JMJD8: variants seen among roughly 807,000 people sequenced by gnomAD.
JMJD8 encodes jumonji domain containing 8.
Under a neutral mutation model 37.6 loss-of-function variants are expected in JMJD8, and 56 were observed. The observed-to-expected ratio is 1.49, with a 90% CI of 1.20 to 1.86. The LOEUF (loss-of-function observed/expected upper bound fraction) is 1.86. Among genes scored for constraint, JMJD8 ranks in the 40% most tolerant of loss-of-function variants. The probability of loss-of-function intolerance (pLI) is 0.00; values close to 1 mark genes in which losing one functional copy is unlikely to be tolerated. For missense variants in JMJD8, 542 were observed against 362.7 expected (o/e 1.49, Z -4.01); for synonymous variants, 261 against 163.7 (o/e 1.59, Z -4.54).
Position 684,111 on chromosome 16 carries a change from G to C in JMJD8, c.131C>G (p.Thr44Arg), listed in dbSNP as rs868307369. The change falls in exon 2 of 9, where the codon ACG becomes AGG. Residue 44 changes from threonine (T) to arginine (R), a missense_variant. Coordinates refer to ENST00000609261, the MANE Select transcript of JMJD8 (RefSeq NM_001005920.4). ...PGAVAEEERC[T>R]VERRADLTYA... ...GGTGAGGTCGGCCCGACGCTCCACC[G>C]TGCAGCGCTCCTCCTCCGCCACGGC... The C allele has an allele frequency of 6.4e-7, 1 of 1,553,808 alleles. No individual in the cohort carries two copies. The highest frequency in any genetic ancestry group is 8.6e-7 in the Non-Finnish European group (1 of 1,159,848).
At chr16:683,285 G>C in intron 6 of JMJD8, 37 bp downstream of exon 6, 1 of 1,611,854 alleles carries the variant, frequency 6.2e-7, no homozygotes, top group Non-Finnish European at 8.5e-7. Flanking sequence ...CTCACCGACA[G>C]AAGCCTCAGT....
chr16:683,784 G>A lies in JMJD8; in HGVS notation c.226-3C>T, dbSNP rs769370939. The A allele has an allele frequency of 2.5e-6, 4 of 1,602,918 alleles. No homozygotes were observed. The African/African-American group carries it at 5.3e-5, about 21-fold the overall frequency. On this transcript the variant is annotated splice_polypyrimidine_tract_variant and splice_region_variant and intron_variant, in intron 3 of 8. Coordinates refer to ENST00000609261, the MANE Select transcript of JMJD8 (RefSeq NM_001005920.4). ...CGGGAGCACAGGGCCCGGAACCTCT[G>A]CGGGGGCGGGGAGGGGACTTAGTGG... is the stretch of plus-strand genomic sequence containing the variant.
chr16:682,333 T>A lies in JMJD8; in HGVS notation c.*461A>T. 6.2e-7 allele frequency: 1 copy of A among 1,612,990 alleles called. No homozygotes were observed. The highest frequency in any genetic ancestry group is 8.5e-7 in the Non-Finnish European group (1 of 1,179,936). ...GCCAGTGGCATGGTCCTGGGCCCCATGACTGCCCTCTGCCCTTCTTGTCAC... is the reference window on the plus strand; with the variant it reads ...GCCAGTGGCATGGTCCTGGGCCCCAAGACTGCCCTCTGCCCTTCTTGTCAC... On this transcript the variant is annotated 3_prime_UTR_variant, in exon 9 of 9. Coordinates refer to ENST00000609261, the MANE Select transcript of JMJD8 (RefSeq NM_001005920.4).
chr16:682,429 G>C lies in JMJD8; in HGVS notation c.*365C>G, dbSNP rs756840635. On this transcript the variant is annotated 3_prime_UTR_variant, in exon 9 of 9. Coordinates refer to ENST00000609261, the MANE Select transcript of JMJD8 (RefSeq NM_001005920.4). Reference sequence around the variant, plus strand: ...CCCAGGAACAGCTCATCCCCAACTTGGCTATGAAGGAGGTTATTGACGCAT... The same window carrying C: ...CCCAGGAACAGCTCATCCCCAACTTCGCTATGAAGGAGGTTATTGACGCAT... The C allele has an allele frequency of 1.9e-6, 3 of 1,613,344 alleles. No individual in the cohort carries two copies. The highest frequency in any genetic ancestry group is 1.3e-5 in the African/African-American group (1 of 74,942).
rs1021473024 is a variant in JMJD8, at chr16:683,661, G to T, written c.322+24C>A. 1.9e-6 allele frequency: 3 copies of T among 1,586,712 alleles called. No individual in the cohort carries two copies. In the African/African-American group the frequency reaches 4.0e-5, roughly 21 times the overall value. On this transcript the variant is annotated intron_variant, in intron 4 of 8. Transcript: ENST00000609261. ...CCGCCCCGGTGTTGGCAAATGGGCGGGCCCCAGGGGTGAGGCCGCGTACCT... is the reference window on the plus strand; with the variant it reads ...CCGCCCCGGTGTTGGCAAATGGGCGTGCCCCAGGGGTGAGGCCGCGTACCT...
chr16:681,848 C>A lies in JMJD8; in HGVS notation c.*946G>T, dbSNP rs779560132. The A allele has an allele frequency of 3.7e-6, 6 of 1,611,836 alleles. No individual in the cohort carries two copies. Among genetic ancestry groups the A allele is most frequent in the Non-Finnish European group, 5.1e-6 (6 of 1,179,270 alleles). On this transcript the variant is annotated 3_prime_UTR_variant, in exon 9 of 9. Coordinates refer to ENST00000609261, the MANE Select transcript of JMJD8 (RefSeq NM_001005920.4). ...GGGTGATGAGGACGACAGCCACGTC[C>A]GGGCCCAGCAGGCCTGCATTGAGGC...
chr16:683,590 G>A lies in JMJD8; in HGVS notation c.331C>T (p.Pro111Ser). Residue 111 changes from proline to serine, a missense_variant, in exon 5 of 9, where the codon CCC (proline) becomes TCC (serine). Coordinates refer to ENST00000609261, the MANE Select transcript of JMJD8 (RefSeq NM_001005920.4). ...NTYSYHKVDL[P>S]FQEYVEQLLH... ...AGCTGCTCCACATACTCCTGGAAGGGCAAGTCCACTGCAGGAAAGAGACGG... is the reference window on the plus strand; with the variant it reads ...AGCTGCTCCACATACTCCTGGAAGGACAAGTCCACTGCAGGAAAGAGACGG... 2 of 1,577,210 alleles carry A rather than the reference G, an allele frequency of 1.3e-6. No homozygotes were observed. Among genetic ancestry groups the A allele is most frequent in the Non-Finnish European group, 1.7e-6 (2 of 1,161,696 alleles).
Position 682,286 on chromosome 16 carries a change from G to A in JMJD8, c.*508C>T, listed in dbSNP as rs767564001. On this transcript the variant is annotated 3_prime_UTR_variant, in exon 9 of 9. Coordinates refer to ENST00000609261, the MANE Select transcript of JMJD8 (RefSeq NM_001005920.4). ...GACATCGAGGAGCACCTGCAGGTGA[G>A]GCCTGCGGCTGGGGGAGCAGGGCCA... is the stretch of plus-strand genomic sequence containing the variant. The A allele has an allele frequency of 6.4e-7, 1 of 1,568,896 alleles. No homozygotes were observed. The highest frequency in any genetic ancestry group is 2.4e-5 in the East Asian group (1 of 42,090).
At position 682,320 on chromosome 16, in the gene JMJD8, G is replaced by C. The variant is rs762045825; in HGVS notation, c.*474C>G. 1.9e-6 allele frequency: 3 copies of C among 1,612,778 alleles called. No homozygotes were observed. The highest frequency in any genetic ancestry group is 2.7e-5 in the African/African-American group (2 of 74,940). On this transcript the variant is annotated 3_prime_UTR_variant, in exon 9 of 9. Coordinates refer to ENST00000609261, the MANE Select transcript of JMJD8 (RefSeq NM_001005920.4). ...CTGGGGGAGCAGGGCCAGTGGCATG[G>C]TCCTGGGCCCCATGACTGCCCTCTG...
At chr16:683,836 C>T (rs761311765) in intron 3 of JMJD8, 25 bp downstream of exon 3, 58 of 1,583,798 alleles carry the variant, frequency 3.7e-5, no homozygotes, top group Non-Finnish European at 4.9e-5. Flanking sequence ...CGAGAGTGGC[C>T]GGGGACGGAC....
At position 683,847 on chromosome 16, in the gene JMJD8, G is replaced by A. The variant is rs952533018; in HGVS notation, c.225+14C>T. 1.9e-6 allele frequency: 3 copies of A among 1,584,118 alleles called. No homozygotes were observed. Among genetic ancestry groups the A allele is most frequent in the Admixed American group, 1.8e-5 (1 of 56,232 alleles). Reference sequence around the variant, plus strand: ...CGGGCGAGAGTGGCCGGGGACGGACGGGCACGCGCTCACCGAGTTGTCCGT... The same window carrying A: ...CGGGCGAGAGTGGCCGGGGACGGACAGGCACGCGCTCACCGAGTTGTCCGT... On this transcript the variant is annotated intron_variant, in intron 3 of 8. Coordinates refer to ENST00000609261, the MANE Select transcript of JMJD8 (RefSeq NM_001005920.4).
chr16:681,754 G>A lies in JMJD8; in HGVS notation c.*1040C>T, dbSNP rs2039663437. 1.0e-5 allele frequency: 16 copies of A among 1,564,982 alleles called. No individual in the cohort carries two copies. Among genetic ancestry groups the A allele is most frequent in the African/African-American group, 1.3e-5 (1 of 74,134 alleles). ...AGATTGGGGTGTGGTCAGACATCTGGCCAGGTCCATCTCTGACCGGCTCCT... is the reference window on the plus strand; with the variant it reads ...AGATTGGGGTGTGGTCAGACATCTGACCAGGTCCATCTCTGACCGGCTCCT... On this transcript the variant is annotated 3_prime_UTR_variant, in exon 9 of 9. Coordinates refer to ENST00000609261, the MANE Select transcript of JMJD8 (RefSeq NM_001005920.4).
rs765706238 is a variant in JMJD8, at chr16:684,099, C to T, written c.143G>A (p.Arg48Gln). ...AEEERCTVER[R>Q]ADLTYAEFVQ... ...GAACTCCGCGTAGGTGAGGTCGGCC[C>T]GACGCTCCACCGTGCAGCGCTCCTC... The change falls in exon 2 of 9, where the codon CGG (arginine) becomes CAG (glutamine). Residue 48 changes from arginine (R) to glutamine (Q), a missense_variant. By Grantham distance (43) the Arg-to-Gln change is conservative (BLOSUM62 1). Coordinates refer to ENST00000609261, the MANE Select transcript of JMJD8 (RefSeq NM_001005920.4). 6.4e-7 allele frequency: 1 copy of T among 1,570,102 alleles called. No individual in the cohort carries two copies. The highest frequency in any genetic ancestry group is 1.4e-5 in the African/African-American group (1 of 74,024).
At chr16:683,509 C>A in intron 5 of JMJD8, 21 bp downstream of exon 5, 5 of 1,545,792 alleles carry the variant, frequency 3.2e-6, no homozygotes, top group Non-Finnish European at 4.4e-6. Context: ...CACCCCCTAC[C>A]GCCGCCTAGG....
chr16:683,903 G>T lies in JMJD8; in HGVS notation c.183C>A (p.Ala61=). The T allele has an allele frequency of 1.3e-6, 2 of 1,579,490 alleles. No homozygotes were observed. Among genetic ancestry groups the T allele is most frequent in the Admixed American group, 1.8e-5 (1 of 55,626 alleles). The change falls in exon 3 of 9, where the codon GCC becomes GCA. Residue 61 remains alanine (A), a synonymous_variant. Transcript: ENST00000609261. ...LTYAEFVQQY[A]FVRPVILQGL... The stretch of plus-strand genomic sequence containing the variant: ...CCTGCAGGATGACGGGCCTGACGAA[G>T]GCGTACCTGGAAAGAAGGGCAGAGT...
rs1357666112 is a variant in JMJD8 at position 683,573 on chromosome 16, C to T, written c.348G>A (p.Val116=). The T allele has an allele frequency of 6.3e-7, 1 of 1,576,626 alleles. No homozygotes were observed. Among genetic ancestry groups the T allele is most frequent in the Non-Finnish European group, 8.6e-7 (1 of 1,161,218 alleles). The change falls in exon 5 of 9, where the codon GTG becomes GTA. Residue 116 remains valine, a synonymous_variant. Transcript: ENST00000609261. ...GGTCCTGGGGGTGCAGCAGCTGCTC[C>T]ACATACTCCTGGAAGGGCAAGTCCA... ...HKVDLPFQEY[V]EQLLHPQDPT... is the part of the protein sequence containing the mutation.
In JMJD8 at chr16:681,730, G is replaced by A. The variant is rs1271278618; in HGVS notation, c.*1064C>T. The stretch of plus-strand genomic sequence containing the variant: ...GGGGAAGTGTGGATGTTAGCTCTGA[G>A]ATTGGGGTGTGGTCAGACATCTGGC... On this transcript the variant is annotated 3_prime_UTR_variant, in exon 9 of 9. Transcript: ENST00000609261. The A allele has an allele frequency of 2.6e-6, 4 of 1,554,036 alleles. No individual in the cohort carries two copies. The highest frequency in any genetic ancestry group is 1.4e-5 in the African/African-American group (1 of 73,720).
rs1567287958 is a variant in JMJD8 at position 683,689 on chromosome 16, GT to G, written c.317del (p.His106ProfsTer83). 2 of 1,602,782 alleles carry G rather than the reference GT, an allele frequency of 1.2e-6. No homozygotes were observed. Among genetic ancestry groups the G allele is most frequent in the Admixed American group, 1.7e-5 (1 of 58,544 alleles). On this transcript the variant is annotated frameshift_variant, in exon 4 of 9. Coordinates refer to ENST00000609261, the MANE Select transcript of JMJD8 (RefSeq NM_001005920.4). LOFTEE classifies it high-confidence loss of function. ...RLSTANTYSY[H>X]KVDLPFQEYV... The stretch of plus-strand genomic sequence containing the variant: ...CCCAGGGGTGAGGCCGCGTACCTTT[GT>G]GGTAGGAGTAGGTGTTGGCGGTGCT...
At chr16:683,631 T>C in intron 4 of JMJD8, 33 bp from the exon 5 acceptor site, 3 of 1,576,432 alleles carry the variant, frequency 1.9e-6, no homozygotes, top group Non-Finnish European at 2.6e-6. Context: ...GACCGTCTGG[T>C]CCAGCCGCCC....
Sources: gnomAD v4.1 joint callset for allele counts on GRCh38, gnomAD v4.1.1 for gene constraint, MANE v1.5 for transcripts, NCBI Gene and HGNC (gene_info 2026-07-23, HGNC 2026-07-21) for gene names.